Variants in CRB1 observed in about 807,000 individuals in gnomAD.
CRB1 encodes the protein crumbs cell polarity complex component 1.
Under a neutral mutation model 120.0 loss-of-function variants are expected in CRB1, and 83 were observed. The ratio of observed to expected loss-of-function variants is 0.69; its 90% CI spans 0.58 to 0.83. The LOEUF is 0.83. Ranked by LOEUF, CRB1 falls within the 40% of genes least tolerant of loss-of-function variation. CRB1 has a pLI of 0.00. For missense variants in CRB1, 1,699 were observed against 1,687.6 expected, an observed-to-expected ratio of 1.01 and a Z score of -0.12; for synonymous variants, 625 against 612.5, an observed-to-expected ratio of 1.02 and a Z score of -0.30.
chr1:197,294,813 A>G (rs1420469965), intron 1 of CRB1, among the ~76,000 whole-genome samples: 1 of 152,112 alleles, frequency 6.6e-6, no homozygotes, highest in African/African-American at 2.4e-5. Context: ...AGGACAAAAA[A>G]CCAAACACCG....
chr1:197,372,875 T>TAA (rs2125385692), intron 5 of CRB1, among the ~76,000 whole-genome samples: 1 of 152,246 alleles, frequency 6.6e-6, no homozygotes, highest in East Asian at 1.9e-4. Context: ...TTGGTGTTTT[T>TAA]ATAACACCTG....
intron 5 of CRB1, among the ~76,000 whole-genome samples, chr1:197,366,204 A>G (rs762648170): frequency 6.6e-6 from 1 of 152,126 alleles, no homozygotes; most frequent in Non-Finnish European, 1.5e-5. Context: ...CCTTTCTTCC[A>G]TCCCGAATAG....
chr1:197,333,682 T>C (rs1658990309), intron 2 of CRB1, among the ~76,000 whole-genome samples: 1 of 152,224 alleles, frequency 6.6e-6, no homozygotes, highest in Non-Finnish European at 1.5e-5. Flanking sequence ...ATATGATGAA[T>C]TTCCTTGCAG....
the CRB1 span, among the ~76,000 whole-genome samples, chr1:197,238,219 T>C: frequency 2.0e-5 from 3 of 152,152 alleles, no homozygotes; most frequent in African/African-American, 2.4e-5. Context: ...AAACTCTGTA[T>C]AGTTTTTTTA....
At chr1:197,336,441 ATATTAT>A (rs34171107) in intron 2 of CRB1, among the ~76,000 whole-genome samples, 5 of 152,004 alleles carry the variant, frequency 3.3e-5, no homozygotes, top group African/African-American at 9.7e-5. Flanking sequence ...ATGAGAAATA[ATATTAT>A]TATATCAAAG....
chr1:197,435,401 G>C lies in CRB1; in HGVS notation c.3538G>C (p.Glu1180Gln), dbSNP rs149216103. 6.2e-7 allele frequency: 1 copy of C among 1,606,356 alleles called. No individual in the cohort carries two copies. The highest frequency in any genetic ancestry group is 2.2e-5 in the East Asian group (1 of 44,768). The change falls in exon 9 of 12, where the codon GAA (glutamate) becomes CAA (glutamine). Residue 1180 changes from glutamate (E) to glutamine (Q), a missense_variant. By Grantham distance (29) the Glu-to-Gln change is conservative. Transcript: ENST00000367400. ...GAAACACTGTGAACTCAACATCGATGAATGCTTTTCAAACCCCTGTATCCA... is the reference window on the plus strand; with the variant it reads ...GAAACACTGTGAACTCAACATCGATCAATGCTTTTCAAACCCCTGTATCCA... Reference protein sequence around the residue: ...SGKHCELNIDECFSNPCIHGN... With the variant: ...SGKHCELNIDQCFSNPCIHGN...
rs114943082 is a variant in CRB1 at position 197,298,167 on chromosome 1, C to T, written c.70+29685C>T. Among the ~76,000 whole-genome samples, 346 of 152,198 alleles carry T rather than the reference C, an allele frequency of 2.3e-3. 3 individuals carry two copies. Among genetic ancestry groups the T allele is most frequent in the African/African-American group, 8.0e-3 (332 of 41,542 alleles). On this transcript the variant is annotated intron_variant, in intron 1 of 11. Coordinates refer to ENST00000367400, the MANE Select transcript of CRB1 (RefSeq NM_201253.3). ...GCAAAAATGTGAACATGCTTACATA[C>T]TTACAGAGAAAAGAGAAATTGCAGA... is the stretch of plus-strand genomic sequence containing the variant.
intron 4 of CRB1, among the ~76,000 whole-genome samples, chr1:197,352,424 A>T (rs557455326): frequency 1.2e-4 from 18 of 152,222 alleles, no homozygotes; most frequent in Admixed American, 3.9e-4. Flanking sequence ...AACCTGGCTT[A>T]TGTGTGTCTC....
At chr1:197,428,076 A>G (rs72740565) in intron 7 of CRB1, 75 bp downstream of exon 7, 5 of 1,344,404 alleles carry the variant, frequency 3.7e-6, no homozygotes, top group Non-Finnish European at 5.2e-6. Context: ...AACTTATTAA[A>G]ACCATTCTTT....
intron 1 of CRB1, among the ~76,000 whole-genome samples, chr1:197,298,890 A>G (rs1656700398): frequency 6.6e-6 from 1 of 152,118 alleles, no homozygotes; most frequent in Admixed American, 6.6e-5. Flanking sequence ...AATTAATTAC[A>G]TGGGAAAAGC....
At chr1:197,242,879 A>T in the CRB1 span, among the ~76,000 whole-genome samples, 1 of 152,022 alleles carries the variant, frequency 6.6e-6, no homozygotes, top group Admixed American at 6.6e-5. Flanking sequence ...CGGGGATTCA[A>T]CTTCTTCCTT....
At chr1:197,342,508 A>G (rs1027081739) in intron 2 of CRB1, among the ~76,000 whole-genome samples, 1 of 152,022 alleles carries the variant, frequency 6.6e-6, no homozygotes, top group Non-Finnish European at 1.5e-5. Flanking sequence ...TTTATTACCT[A>G]ATTTTAGCTA....
Position 197,478,228 on chromosome 1 carries a change from T to C in CRB1, c.*349T>C. On this transcript the variant is annotated 3_prime_UTR_variant, in exon 12 of 12. Coordinates refer to ENST00000367400, the MANE Select transcript of CRB1 (RefSeq NM_201253.3). ...CAAATTTTAGTTTTCATTTTAGGTT[T>C]CTGTACTTTCTGTAGTTTCTGTGTA... 1 of 324,902 alleles carries C rather than the reference T, an allele frequency of 3.1e-6. No individual in the cohort carries two copies. Among genetic ancestry groups the C allele is most frequent in the Non-Finnish European group, 5.9e-6 (1 of 168,770 alleles). 20.1% of individuals were successfully genotyped at this position (324,902 alleles called of 1,614,324 possible). A position where few individuals can be genotyped will look rare whatever the true frequency, so the allele number is the denominator to read the frequency against.
the CRB1 span, among the ~76,000 whole-genome samples, chr1:197,260,053 T>A: frequency 6.6e-6 from 1 of 151,016 alleles, no homozygotes; most frequent in African/African-American, 2.4e-5. Context: ...CTCCAGAAGC[T>A]GAGGTTGGGA....
chr1:197,466,946 G>T (rs1410467901), intron 11 of CRB1, among the ~76,000 whole-genome samples: 1 of 152,182 alleles, frequency 6.6e-6, no homozygotes, highest in African/African-American at 2.4e-5. Flanking sequence ...AGGCAGGCAG[G>T]GTCAGGGCCA....
At chr1:197,210,033 A>T in the CRB1 span, among the ~76,000 whole-genome samples, 2 of 152,230 alleles carry the variant, frequency 1.3e-5, no homozygotes, top group African/African-American at 4.8e-5. Flanking sequence ...AAAGTTCACA[A>T]TGTGAGCCTC....
chr1:197,428,062 A>C (rs1317377457), intron 7 of CRB1, 61 bp downstream of exon 7: 1 of 1,475,162 alleles, frequency 6.8e-7, no homozygotes, highest in Non-Finnish European at 9.4e-7. Context: ...TTTATTAAAA[A>C]GATAACTTAT....
chr1:197,234,855 A>G, the CRB1 span, among the ~76,000 whole-genome samples: 36 of 152,376 alleles, frequency 2.4e-4, no homozygotes, highest in African/African-American at 8.7e-4. Context: ...AAAGCAGTCA[A>G]TTAGGCCAGA....
intron 11 of CRB1, chr1:197,443,686 C>T (rs1332805618): frequency 6.6e-6 from 1 of 151,624 alleles, no homozygotes; most frequent in Non-Finnish European, 1.5e-5. Flanking sequence ...ATATATTTGA[C>T]ATTATGATTT....
Sources: gnomAD v4.1 joint callset for allele counts (sites outside exome capture counted in the v4.1 genomes callset) on GRCh38, gnomAD v4.1.1 for gene constraint, MANE v1.5 for transcripts, NCBI Gene and HGNC (gene_info 2026-07-23, HGNC 2026-07-21) for gene names.